METTL4: variants seen among roughly 807,000 people sequenced by gnomAD.
METTL4 encodes methyltransferase 4, N6-adenosine, also known as N(6)-adenine-specific methyltransferase METTL4.
Under a neutral mutation model 54.0 loss-of-function variants are expected in METTL4, and 40 were observed. The observed-to-expected ratio is 0.74, with a 90% CI of 0.58 to 0.96. METTL4 has a LOEUF of 0.96. Ranked by LOEUF, METTL4 falls within the 50% of genes least tolerant of loss-of-function variation. The pLI, the probability that METTL4 is intolerant of heterozygous loss-of-function variation, is 0.00. For missense variants in METTL4, 525 were observed against 549.0 expected, an observed-to-expected ratio of 0.96 and a Z score of 0.44; for synonymous variants, 169 against 183.8, an observed-to-expected ratio of 0.92 and a Z score of 0.65.
chr18:2,554,823 A>C lies in METTL4; in HGVS notation c.675T>G (p.Asp225Glu). The change falls in exon 4 of 9, where the codon GAT (aspartate) becomes GAG (glutamate). Residue 225 changes from aspartate to glutamate, a missense_variant. Physicochemically the swap from Asp to Glu is conservative, Grantham distance 45 (BLOSUM62 2). Transcript: ENST00000574538. ...ATAAATCCTGTTCTGTAACAGATGT[A>C]TCCTCTTCCACCAATTGTAATGTCT... ...EHQTLQLVEE[D>E]TSVTEQDLFL... is the part of the protein sequence containing the mutation. The C allele has an allele frequency of 6.2e-7, 1 of 1,613,978 alleles. No homozygotes were observed. The highest frequency in any genetic ancestry group is 8.5e-7 in the Non-Finnish European group (1 of 1,179,908).
At position 2,552,767 on chromosome 18, in the gene METTL4, G is replaced by A. The variant is rs1375614966; in HGVS notation, c.830-3C>T. On this transcript the variant is annotated splice_region_variant and splice_polypyrimidine_tract_variant and intron_variant, in intron 4 of 8. Transcript: ENST00000574538. The stretch of plus-strand genomic sequence containing the variant: ...AATTACATCAAATGTTTTCCTATCT[G>A]AAAACAAAGATACAATTTCAGAAAA... 1.9e-6 allele frequency: 3 copies of A among 1,599,264 alleles called. No homozygotes were observed. Among genetic ancestry groups the A allele is most frequent in the Admixed American group, 1.7e-5 (1 of 59,446 alleles).
chr18:2,559,434 G>A (rs1183783161), intron 3 of METTL4, among the ~76,000 whole-genome samples: 1 of 147,094 alleles, frequency 6.8e-6, no homozygotes, highest in Non-Finnish European at 1.5e-5. Flanking sequence ...TAGTTACCAG[G>A]CAGCAGGGGA....
intron 3 of METTL4, chr18:2,555,345 T>C (rs564830474): frequency 1.2e-4 from 39 of 321,760 alleles, no homozygotes; most frequent in Middle Eastern, 8.9e-4. Context: ...ATGGGATTTC[T>C]AATCTATAGG....
chr18:2,544,573 A>C (rs987632614), intron 7 of METTL4, 80 bp downstream of exon 7: 1 of 947,376 alleles, frequency 1.1e-6, no homozygotes, highest in Non-Finnish European at 1.6e-6. Flanking sequence ...AAACATTTTA[A>C]AAAGTCAATG....
intron 2 of METTL4, among the ~76,000 whole-genome samples, chr18:2,564,725 T>C (rs2072376361): frequency 6.6e-6 from 1 of 152,256 alleles, no homozygotes; most frequent in Non-Finnish European, 1.5e-5. Context: ...TATAATTTGC[T>C]TTAGCATATC....
At chr18:2,540,616 G>A in intron 8 of METTL4, 1 of 985,322 alleles carries the variant, frequency 1.0e-6, no homozygotes, top group African/African-American at 1.7e-5. Flanking sequence ...GGAGATACTG[G>A]CACGAAGGCT....
chr18:2,544,366 G>C, intron 7 of METTL4, 80 bp from the exon 8 acceptor site: 1 of 1,018,894 alleles, frequency 9.8e-7, no homozygotes, highest in South Asian at 1.7e-5. Flanking sequence ...ATTGATTTTT[G>C]TTCTCTTTCT....
chr18:2,552,570 CT>C, intron 5 of METTL4, 124 bp downstream of exon 5: 1 of 656,628 alleles, frequency 1.5e-6, no homozygotes, highest in South Asian at 1.9e-5. Flanking sequence ...GCTGTTAAAA[CT>C]ATTGAAAGCA....
chr18:2,559,585 T>C (rs1347930152), intron 3 of METTL4, among the ~76,000 whole-genome samples: 1 of 152,078 alleles, frequency 6.6e-6, no homozygotes, highest in African/African-American at 2.4e-5. Context: ...ATACGTATAT[T>C]TTACCTATTT....
intron 3 of METTL4, among the ~76,000 whole-genome samples, 197 bp downstream of exon 3, chr18:2,563,600 C>CAAAAAAAA (rs67428228): frequency 2.0e-5 from 2 of 97,838 alleles, no homozygotes; most frequent in African/African-American, 8.4e-5. Context: ...GACTCTGCCT[C>CAAAAAAAA]AAAAAAAAAA....
chr18:2,542,952 A>G (rs1252999266), intron 8 of METTL4, among the ~76,000 whole-genome samples: 1 of 151,928 alleles, frequency 6.6e-6, no homozygotes, highest in African/African-American at 2.4e-5. Context: ...ACATGGCGAA[A>G]CCCCGTCTCT....
chr18:2,557,016 T>C (rs2072248755), intron 3 of METTL4, among the ~76,000 whole-genome samples: 2 of 152,072 alleles, frequency 1.3e-5, no homozygotes, highest in African/African-American at 4.8e-5. Flanking sequence ...GGAAGGACAG[T>C]AGCCCTAAGC....
intron 5 of METTL4, among the ~76,000 whole-genome samples, chr18:2,547,870 A>G (rs1203491120): frequency 6.6e-6 from 1 of 152,206 alleles, no homozygotes; most frequent in East Asian, 1.9e-4. Context: ...TACGTTACAC[A>G]GGAGCCCTGT....
At chr18:2,566,628 C>G (rs2072421745) in intron 2 of METTL4, 193 bp downstream of exon 2, 3 of 321,374 alleles carry the variant, frequency 9.3e-6, no homozygotes, top group Admixed American at 9.9e-5. Flanking sequence ...TTTTGAAATA[C>G]TATGCAATTT....
chr18:2,560,155 C>T (rs1330231054), intron 3 of METTL4, among the ~76,000 whole-genome samples: 1 of 152,092 alleles, frequency 6.6e-6, no homozygotes, highest in African/African-American at 2.4e-5. Flanking sequence ...AAAAACCTTC[C>T]CCCATGACAA....
At chr18:2,563,179 T>C (rs932265790) in intron 3 of METTL4, among the ~76,000 whole-genome samples, 1 of 152,234 alleles carries the variant, frequency 6.6e-6, no homozygotes, top group Non-Finnish European at 1.5e-5. Context: ...TCTCTTAATA[T>C]ATTGTTTTAT....
chr18:2,566,164 A>T (rs1033637044), intron 2 of METTL4, among the ~76,000 whole-genome samples: 1 of 151,854 alleles, frequency 6.6e-6, no homozygotes, highest in Non-Finnish European at 1.5e-5. Flanking sequence ...ACTTTGTAAA[A>T]TCACCTCTAA....
chr18:2,561,870 G>A (rs1218323544), intron 3 of METTL4: 1 of 152,060 alleles, frequency 6.6e-6, no homozygotes, highest in East Asian at 1.9e-4. Context: ...TAAATACCCT[G>A]GATTTTCCTG....
intron 3 of METTL4, among the ~76,000 whole-genome samples, chr18:2,558,832 T>A (rs2072275171): frequency 6.6e-6 from 1 of 152,074 alleles, no homozygotes; most frequent in Non-Finnish European, 1.5e-5. Flanking sequence ...CAGACATTTC[T>A]CTCAAGAAAA....
Sources: gnomAD v4.1 joint callset for allele counts (sites outside exome capture counted in the v4.1 genomes callset) on GRCh38, gnomAD v4.1.1 for gene constraint, MANE v1.5 for transcripts, NCBI Gene and HGNC (gene_info 2026-07-23, HGNC 2026-07-21) for gene names.